NMT2: variants seen among roughly 807,000 people sequenced by gnomAD.
The protein encoded by NMT2 is N-myristoyltransferase 2.
NMT2 carries 35 observed loss-of-function variants against 65.4 expected under a neutral mutation model. The ratio of observed to expected loss-of-function variants is 0.54; its 90% CI spans 0.41 to 0.71. The LOEUF is 0.71. Ranked by LOEUF, NMT2 falls within the 30% of genes least tolerant of loss-of-function variation. NMT2 has a pLI of 0.00. For synonymous variants in NMT2, 226 were observed against 231.8 expected (o/e 0.98, Z 0.23); for missense variants, 489 against 611.3 (o/e 0.80, Z 2.11).
chr10:15,156,022 T>C (rs1202579347), intron 1 of NMT2, among the ~76,000 whole-genome samples: 1 of 152,196 alleles, frequency 6.6e-6, no homozygotes, highest in East Asian at 1.9e-4. Context: ...AACTTAGGAA[T>C]TGTTTCTGGA....
At chr10:15,158,277 C>T (rs950903414) in intron 1 of NMT2, among the ~76,000 whole-genome samples, 4 of 150,514 alleles carry the variant, frequency 2.7e-5, no homozygotes, top group Non-Finnish European at 5.9e-5. Flanking sequence ...GATCACGCCA[C>T]TGCACTCCAG....
rs757391653 is a variant in NMT2 at position 15,140,975 on chromosome 10, C to T, written c.246+447G>A. The T allele has an allele frequency of 2.8e-5, 43 of 1,550,150 alleles. No homozygotes were observed. In the Middle Eastern group the frequency reaches 8.4e-4, roughly 30 times the overall value. ...GCAAACTGGTTTAATTCAAAGTCAACGAGAGACTTACCCATGGCTGCTCCC... is the reference window on the plus strand; with the variant it reads ...GCAAACTGGTTTAATTCAAAGTCAATGAGAGACTTACCCATGGCTGCTCCC... On this transcript the variant is annotated intron_variant, in intron 2 of 11. Coordinates refer to ENST00000378165, the MANE Select transcript of NMT2 (RefSeq NM_004808.3).
intron 8 of NMT2, among the ~76,000 whole-genome samples, chr10:15,127,997 C>A (rs1048968352): frequency 6.6e-6 from 1 of 152,134 alleles, no homozygotes; most frequent in Non-Finnish European, 1.5e-5. Context: ...GGTCTCTCCT[C>A]TACACTTGAT....
chr10:15,164,243 A>T, intron 1 of NMT2, among the ~76,000 whole-genome samples: 1 of 151,160 alleles, frequency 6.6e-6, no homozygotes, highest in South Asian at 2.1e-4. Flanking sequence ...CCAGGGACTA[A>T]TTTAGTCATG....
rs1443330331 is a variant in NMT2, at chr10:15,106,078, C to A, written c.*3117G>T. 5.8e-6 allele frequency: 2 copies of A among 347,608 alleles called. No homozygotes were observed. Among genetic ancestry groups the A allele is most frequent in the Admixed American group, 3.9e-5 (1 of 25,588 alleles). 21.5% of individuals were successfully genotyped at this position (347,608 alleles called of 1,614,324 possible). On this transcript the variant is annotated 3_prime_UTR_variant, in exon 12 of 12. Transcript: ENST00000378165. ...GGTGTGATCCCGGCTCACTGCAACCCCGCCTCCTGGGTTCAAGCGATTCTC... is the reference window on the plus strand; with the variant it reads ...GGTGTGATCCCGGCTCACTGCAACCACGCCTCCTGGGTTCAAGCGATTCTC...
At chr10:15,156,853 G>A (rs1425610551) in intron 1 of NMT2, among the ~76,000 whole-genome samples, 1 of 151,416 alleles carries the variant, frequency 6.6e-6, no homozygotes, top group Non-Finnish European at 1.5e-5. Context: ...CCGAGATTGC[G>A]CCACTGCACT....
At chr10:15,143,011 C>T (rs750869993) in intron 1 of NMT2, among the ~76,000 whole-genome samples, 2 of 152,156 alleles carry the variant, frequency 1.3e-5, no homozygotes, top group African/African-American at 2.4e-5. Context: ...GTATGTGCTA[C>T]TTAAGAAGTC....
At chr10:15,120,096 CA>C (rs1167210428) in intron 8 of NMT2, among the ~76,000 whole-genome samples, 1 of 152,154 alleles carries the variant, frequency 6.6e-6, no homozygotes, top group Non-Finnish European at 1.5e-5. Flanking sequence ...CTTAAAAATG[CA>C]GTGTAACAAC....
intron 7 of NMT2, among the ~76,000 whole-genome samples, chr10:15,129,666 A>AAT: frequency 6.6e-6 from 1 of 152,196 alleles, no homozygotes; most frequent in Middle Eastern, 3.4e-3. Flanking sequence ...TTTCACATGG[A>AAT]ATAGACTTAG....
Position 15,109,138 on chromosome 10 carries a change from A to G in NMT2, c.*57T>C. ...TTCTTCTTTGGAATGGCAGTTCCAGAAATCATTAAATATTAACAAATGATG... is the reference window on the plus strand; with the variant it reads ...TTCTTCTTTGGAATGGCAGTTCCAGGAATCATTAAATATTAACAAATGATG... On this transcript the variant is annotated 3_prime_UTR_variant, in exon 12 of 12. Transcript: ENST00000378165. The G allele has an allele frequency of 6.3e-7, 1 of 1,593,856 alleles. No individual in the cohort carries two copies. The highest frequency in any genetic ancestry group is 8.5e-7 in the Non-Finnish European group (1 of 1,174,220).
rs1845284668 is a variant in NMT2, at chr10:15,105,906, A to C, written c.*3289T>G. The C allele has an allele frequency of 4.0e-6, 1 of 249,342 alleles. No individual in the cohort carries two copies. The highest frequency in any genetic ancestry group is 8.3e-6 in the Non-Finnish European group (1 of 121,128). 15.4% of individuals were successfully genotyped at this position (249,342 alleles called of 1,614,324 possible). Reference sequence around the variant, plus strand: ...TTTAAAAGTGGTTAATAATTTGATAACAAATTATGTAAATGACTCTTTAAA... The same window carrying C: ...TTTAAAAGTGGTTAATAATTTGATACCAAATTATGTAAATGACTCTTTAAA... On this transcript the variant is annotated 3_prime_UTR_variant, in exon 12 of 12. Transcript: ENST00000378165.
intron 10 of NMT2, among the ~76,000 whole-genome samples, chr10:15,111,149 A>T (rs1286189119): frequency 2.6e-5 from 4 of 152,138 alleles, no homozygotes; most frequent in African/African-American, 9.7e-5. Flanking sequence ...AGGATTATTA[A>T]TTATTAGCCT....
chr10:15,164,182 CAAAAAAAAAAAAA>C, intron 1 of NMT2, among the ~76,000 whole-genome samples: 1 of 69,870 alleles, frequency 1.4e-5, no homozygotes, highest in Admixed American at 1.8e-4. Context: ...GAATTGGTCT[CAAAAAAAAAAAAA>C]AAAAAAAAAA....
chr10:15,161,580 G>A (rs994244843), intron 1 of NMT2, among the ~76,000 whole-genome samples: 3 of 152,080 alleles, frequency 2.0e-5, no homozygotes, highest in South Asian at 2.1e-4. Flanking sequence ...GGCTGGTCTC[G>A]AACTCCTGAC....
In NMT2 at chr10:15,148,600, A is replaced by G. The variant is rs139359792; in HGVS notation, c.111-7043T>C. ...GTATAGTAGCTGGCACACAGAAATC[A>G]TTCGGTACAAGCCAGCTATTATTAT... On this transcript the variant is annotated intron_variant, in intron 1 of 11. Coordinates refer to ENST00000378165, the MANE Select transcript of NMT2 (RefSeq NM_004808.3). Among the ~76,000 whole-genome samples, 749 of 152,352 alleles carry G rather than the reference A, an allele frequency of 4.9e-3. 5 individuals carry two copies. The highest frequency in any genetic ancestry group is 0.024 in the Middle Eastern group (7 of 294).
chr10:15,134,898 A>C (rs1024063266), intron 3 of NMT2, among the ~76,000 whole-genome samples: 2 of 152,116 alleles, frequency 1.3e-5, no homozygotes, highest in African/African-American at 4.8e-5. Flanking sequence ...GGGAGGATGG[A>C]TCACTTGAGC....
At position 15,106,120 on chromosome 10, in the gene NMT2, A is replaced by C; in HGVS notation, c.*3075T>G. 3.5e-6 allele frequency: 1 copy of C among 286,848 alleles called. No homozygotes were observed. The highest frequency in any genetic ancestry group is 6.9e-6 in the Non-Finnish European group (1 of 144,260). 17.8% of individuals were successfully genotyped at this position (286,848 alleles called of 1,614,324 possible). A position where few individuals can be genotyped will look rare whatever the true frequency, so the allele number is the denominator to read the frequency against. ...GCGATTCTCCTGCCTCAGCCTCCTG[A>C]ATAGCTGGGATTACAGGTGCACACC... On this transcript the variant is annotated 3_prime_UTR_variant, in exon 12 of 12. Transcript: ENST00000378165.
intron 1 of NMT2, among the ~76,000 whole-genome samples, chr10:15,160,924 A>G (rs1833167394): frequency 1.3e-5 from 2 of 151,370 alleles, no homozygotes; most frequent in South Asian, 4.2e-4. Flanking sequence ...TATAAAAGAC[A>G]GAGAAGCAGA....
chr10:15,125,066 C>CT (rs1483109831), intron 8 of NMT2, among the ~76,000 whole-genome samples: 1 of 152,178 alleles, frequency 6.6e-6, no homozygotes, highest in African/African-American at 2.4e-5. Context: ...GGTCTGGGGC[C>CT]TGCATCCCAA....
Sources: allele counts gnomAD v4.1 joint callset (sites outside exome capture counted in the v4.1 genomes callset), GRCh38; gene constraint gnomAD v4.1.1; transcripts MANE v1.5; gene names NCBI Gene and HGNC (gene_info 2026-07-23, HGNC 2026-07-21).